EIF4G3: variants seen among roughly 807,000 people sequenced by gnomAD.
The protein encoded by EIF4G3 is eukaryotic translation initiation factor 4 gamma 3.
EIF4G3 carries 34 observed loss-of-function variants against 186.4 expected under a neutral mutation model. The observed-to-expected ratio is 0.18, with a 90% CI of 0.14 to 0.24. EIF4G3 has a LOEUF of 0.24. Among genes scored for constraint, EIF4G3 ranks in the 10% least tolerant of loss-of-function variants. EIF4G3 has a pLI of 1.00. For missense variants in EIF4G3, 1,536 were observed against 1,948.5 expected (o/e 0.79, Z 3.99); for synonymous variants, 673 against 679.5 (o/e 0.99, Z 0.15).
intron 12 of EIF4G3, among the ~76,000 whole-genome samples, chr1:20,960,118 T>C (rs986286808): frequency 6.6e-6 from 1 of 152,204 alleles, no homozygotes; most frequent in African/African-American, 2.4e-5. Context: ...CAATTCACAA[T>C]TGCAAAGATG....
chr1:21,130,154 C>T (rs915675511), intron 2 of EIF4G3, among the ~76,000 whole-genome samples: 3 of 144,270 alleles, frequency 2.1e-5, no homozygotes, highest in Admixed American at 7.1e-5. Context: ...GAGGACAAGG[C>T]GGGAGGATCA....
chr1:20,849,443 T>C lies in EIF4G3; in HGVS notation c.3860A>G (p.Asp1287Gly). Residue 1287 changes from aspartate to glycine, a missense_variant, in exon 29 of 37, where the codon GAT (aspartate) becomes GGT (glycine). Transcript: ENST00000602326. The stretch of plus-strand genomic sequence containing the variant: ...AAAATCATTAATGTGTAGAAATTCA[T>C]CAATGATAGATTTCGACTTCCTCTC... ...ELERKSKSII[D>G]EFLHINDFKE... 1 of 1,555,816 alleles carries C rather than the reference T, an allele frequency of 6.4e-7. No individual in the cohort carries two copies. The highest frequency in any genetic ancestry group is 2.0e-5 in the Admixed American group (1 of 49,912).
chr1:21,008,997 A>C (rs186533841), intron 4 of EIF4G3, among the ~76,000 whole-genome samples: 2 of 152,328 alleles, frequency 1.3e-5, no homozygotes, highest in Non-Finnish European at 2.9e-5. Context: ...CTAGATGCAA[A>C]TCTATCTCTA....
intron 4 of EIF4G3, among the ~76,000 whole-genome samples, chr1:21,021,249 G>A (rs906490660): frequency 6.6e-6 from 1 of 152,134 alleles, no homozygotes; most frequent in African/African-American, 2.4e-5. Flanking sequence ...CCCCCAAAGT[G>A]CTGGGATTAT....
intron 18 of EIF4G3, among the ~76,000 whole-genome samples, chr1:20,888,138 A>T (rs181144690): frequency 1.8e-4 from 27 of 152,280 alleles, no homozygotes; most frequent in African/African-American, 6.5e-4. Context: ...ATGAATAAAT[A>T]TGCCTTGAGA....
At chr1:21,108,119 C>T (rs1284045351) in intron 2 of EIF4G3, among the ~76,000 whole-genome samples, 1 of 152,196 alleles carries the variant, frequency 6.6e-6, no homozygotes, top group Non-Finnish European at 1.5e-5. Flanking sequence ...GCACTCCAGC[C>T]TGGGCACTCT....
intron 2 of EIF4G3, among the ~76,000 whole-genome samples, chr1:21,143,646 T>C (rs1210399929): frequency 6.6e-6 from 1 of 152,142 alleles, no homozygotes; most frequent in Non-Finnish European, 1.5e-5. Flanking sequence ...ACATACAAAA[T>C]ATTTTTCAAA....
At chr1:20,813,398 TAAA>T (rs11303095) in intron 34 of EIF4G3, among the ~76,000 whole-genome samples, 159 bp from the exon 35 acceptor site, 25 of 81,830 alleles carry the variant, frequency 3.1e-4, no homozygotes, top group African/African-American at 9.0e-4. Flanking sequence ...CCCTATCTCT[TAAA>T]AAAAAAAAAA....
chr1:20,908,633 A>G (rs2092678344), intron 14 of EIF4G3, among the ~76,000 whole-genome samples: 1 of 152,148 alleles, frequency 6.6e-6, no homozygotes, highest in African/African-American at 2.4e-5. Flanking sequence ...CCATAAATGG[A>G]AGAGTCTCTT....
Position 21,050,933 on chromosome 1 carries a change from A to G in EIF4G3, c.-134T>C, listed in dbSNP as rs1242904930. On this transcript the variant is annotated 5_prime_UTR_variant, in exon 4 of 37. The change abolishes the stop of an existing upstream ORF in the 5' untranslated region. Coordinates refer to ENST00000602326, the MANE Select transcript of EIF4G3 (RefSeq NM_001391906.1). Reference sequence around the variant, plus strand: ...CGCAAGATTTGGATGCCCCTTGTTTATTTCATGTGCTGAATAAGGGGATGG... The same window carrying G: ...CGCAAGATTTGGATGCCCCTTGTTTGTTTCATGTGCTGAATAAGGGGATGG... 5 of 716,438 alleles carry G rather than the reference A, an allele frequency of 7.0e-6. No homozygotes were observed. In the Admixed American group the frequency reaches 1.0e-4, roughly 14 times the overall value. 44.4% of individuals were successfully genotyped at this position (716,438 alleles called of 1,614,324 possible). A position where few individuals can be genotyped will look rare whatever the true frequency, so the allele number is the denominator to read the frequency against.
intron 12 of EIF4G3, among the ~76,000 whole-genome samples, chr1:20,957,458 C>G (rs2096459228): frequency 6.7e-6 from 1 of 150,110 alleles, no homozygotes; most frequent in Non-Finnish European, 1.5e-5. Flanking sequence ...AACTGACAAC[C>G]TAATGTCATA....
At chr1:20,892,881 C>A (rs1418409100) in intron 18 of EIF4G3, among the ~76,000 whole-genome samples, 1 of 152,116 alleles carries the variant, frequency 6.6e-6, no homozygotes, top group East Asian at 1.9e-4. Flanking sequence ...GCTTTGTCGC[C>A]CAGACTGGAG....
At chr1:20,923,649 AT>A (rs2094645850) in intron 14 of EIF4G3, among the ~76,000 whole-genome samples, 1 of 152,008 alleles carries the variant, frequency 6.6e-6, no homozygotes, top group South Asian at 2.1e-4. Context: ...GAAAAAAAAA[AT>A]CTACTTTCCA....
Position 20,853,018 on chromosome 1 carries a change from A to T in EIF4G3, c.3551+542T>A, listed in dbSNP as rs192529797. Reference sequence around the variant, plus strand: ...AAGTTTTAGAGCTTAAAGAAACTTCAATTCTGAAAGTGCTTATGTAAAAAA... The same window carrying T: ...AAGTTTTAGAGCTTAAAGAAACTTCTATTCTGAAAGTGCTTATGTAAAAAA... On this transcript the variant is annotated intron_variant, in intron 27 of 36. Coordinates refer to ENST00000602326, the MANE Select transcript of EIF4G3 (RefSeq NM_001391906.1). Among the ~76,000 whole-genome samples the T allele has an allele frequency of 3.3e-5, 5 of 152,340 alleles. No homozygotes were observed. In the East Asian group the frequency reaches 7.7e-4, roughly 23 times the overall value.
chr1:20,937,514 C>G (rs934566072), intron 14 of EIF4G3, among the ~76,000 whole-genome samples: 2 of 151,708 alleles, frequency 1.3e-5, no homozygotes, highest in African/African-American at 4.8e-5. Context: ...AACAAACTTA[C>G]AAAATATACA....
rs2058419089 is a variant in EIF4G3, at chr1:20,807,975, C to A, written c.4745-475G>T. On this transcript the variant is annotated intron_variant, in intron 36 of 36. Transcript: ENST00000602326. Reference sequence around the variant, plus strand: ...AGTACCTGGGATTACAGGCGCCTGCCTGGGTTGAAGCAATTTTCCTGCCTC... The same window carrying A: ...AGTACCTGGGATTACAGGCGCCTGCATGGGTTGAAGCAATTTTCCTGCCTC... 2.0e-5 allele frequency among the ~76,000 whole-genome samples: 3 copies of A among 151,366 alleles called. No homozygotes were observed. In the South Asian group the frequency reaches 6.2e-4, roughly 31 times the overall value.
intron 19 of EIF4G3, among the ~76,000 whole-genome samples, 169 bp downstream of exon 19, chr1:20,886,032 A>G (rs1252571703): frequency 6.6e-6 from 1 of 152,258 alleles, no homozygotes; most frequent in Non-Finnish European, 1.5e-5. Context: ...TCAAGAGAAA[A>G]CAGTAGGTTG....
At chr1:21,007,641 TGAA>T (rs2085653301) in intron 4 of EIF4G3, among the ~76,000 whole-genome samples, 1 of 150,682 alleles carries the variant, frequency 6.6e-6, no homozygotes, top group Admixed American at 6.6e-5. Flanking sequence ...ATCTTTAGAA[TGAA>T]TCAAGTCAAC....
At chr1:20,834,877 C>T (rs950261809) in intron 30 of EIF4G3, among the ~76,000 whole-genome samples, 1 of 152,074 alleles carries the variant, frequency 6.6e-6, no homozygotes, top group Non-Finnish European at 1.5e-5. Flanking sequence ...TACTTTAAAC[C>T]AAACAAAAAT....
Sources: allele counts gnomAD v4.1 joint callset (sites outside exome capture counted in the v4.1 genomes callset), GRCh38; gene constraint gnomAD v4.1.1; transcripts MANE v1.5; gene names NCBI Gene and HGNC (gene_info 2026-07-23, HGNC 2026-07-21).